Variants in LARP1 observed in about 807,000 individuals in gnomAD.
LARP1 encodes the protein la-related protein 1.
In LARP1, 36 loss-of-function variants were observed where a neutral mutation model predicts 122.7. The ratio of observed to expected loss-of-function variants is 0.29; its 90% confidence interval spans 0.22 to 0.39. The LOEUF is 0.39. Among genes scored for constraint, LARP1 ranks in the 10% least tolerant of loss-of-function variants. The pLI is 1.00. For missense variants in LARP1, 1,040 were observed against 1,403.6 expected (o/e 0.74, Z 4.14); for synonymous variants, 539 against 528.7 (o/e 1.02, Z -0.27).
chr5:154,703,246 C>T (rs577360829), intron 1 of LARP1, among the ~76,000 whole-genome samples: 1 of 151,052 alleles, frequency 6.6e-6, no homozygotes, highest in African/African-American at 2.4e-5. Context: ...TTTCTAAGAA[C>T]AGCTGCGCTG....
chr5:154,708,611 T>A (rs1438496524), upstream of LARP1, among the ~76,000 whole-genome samples: 1 of 152,160 alleles, frequency 6.6e-6, no homozygotes, highest in Non-Finnish European at 1.5e-5. Flanking sequence ...CAAAATGTTT[T>A]TTTTTGTTGT....
At chr5:154,762,167 G>A (rs1002479276) in intron 1 of LARP1, among the ~76,000 whole-genome samples, 2 of 152,070 alleles carry the variant, frequency 1.3e-5, no homozygotes, top group African/African-American at 2.4e-5. Context: ...TGCTCGAACC[G>A]GGGAGGCGGA....
intron 1 of LARP1, 155 bp downstream of exon 1, chr5:154,756,348 C>A: frequency 1.1e-6 from 1 of 947,560 alleles, no homozygotes; most frequent in Non-Finnish European, 1.3e-6. Flanking sequence ...GGTCGCCGCG[C>A]CCTCCCCCCC....
At chr5:154,790,461 C>T in intron 2 of LARP1, 75 bp downstream of exon 2, 1 of 1,423,390 alleles carries the variant, frequency 7.0e-7, no homozygotes, top group Non-Finnish European at 9.8e-7. Context: ...GTGAATGCTC[C>T]TGGACTGCCA....
chr5:154,774,727 A>G (rs1582369869), intron 1 of LARP1, among the ~76,000 whole-genome samples: 1 of 152,182 alleles, frequency 6.6e-6, no homozygotes, highest in Non-Finnish European at 1.5e-5. Flanking sequence ...CATCACTGCC[A>G]TTGCCCCTCT....
intron 14 of LARP1, among the ~76,000 whole-genome samples, chr5:154,805,405 C>T (rs1449236704): frequency 6.6e-6 from 1 of 152,082 alleles, no homozygotes; most frequent in Non-Finnish European, 1.5e-5. Flanking sequence ...TCACATTGAG[C>T]AGGCTGAGAA....
chr5:154,796,037 T>C (rs1488499991), intron 8 of LARP1, among the ~76,000 whole-genome samples: 2 of 115,924 alleles, frequency 1.7e-5, no homozygotes, highest in Non-Finnish European at 1.6e-5. Context: ...TATTTTTATA[T>C]ATATTATATA....
chr5:154,784,189 T>C (rs1170982700), intron 1 of LARP1, among the ~76,000 whole-genome samples: 1 of 152,220 alleles, frequency 6.6e-6, no homozygotes, highest in Admixed American at 6.5e-5. Context: ...ATTAAACAAG[T>C]GTCTGCTGTG....
chr5:154,799,490 G>A (rs1758166609), intron 8 of LARP1, 101 bp from the exon 9 acceptor site: 6 of 1,183,400 alleles, frequency 5.1e-6, no homozygotes, highest in African/African-American at 1.5e-5. Context: ...GGTAGCATTG[G>A]ACTCATACCA....
intron 14 of LARP1, 138 bp downstream of exon 14, chr5:154,804,445 G>A: frequency 1.5e-6 from 1 of 685,592 alleles, no homozygotes; most frequent in Non-Finnish European, 2.5e-6. Context: ...AACCAGTGGT[G>A]TGGAAAGCTC....
At position 154,755,638 on chromosome 5, in the gene LARP1, C is replaced by T. The variant is rs1440528926; in HGVS notation, c.-120C>T. On this transcript the variant is annotated 5_prime_UTR_variant, in exon 1 of 19. Transcript: ENST00000518297. Reference sequence around the variant, plus strand: ...ACCTCGCGTGAACCCCGACCCTTCTCTGCAGGGACTGGGGCCCAGCGCCCC... The same window carrying T: ...ACCTCGCGTGAACCCCGACCCTTCTTTGCAGGGACTGGGGCCCAGCGCCCC... 9.1e-6 allele frequency: 9 copies of T among 987,472 alleles called. No individual in the cohort carries two copies. Among genetic ancestry groups the T allele is most frequent in the Non-Finnish European group, 9.6e-6 (8 of 830,118 alleles). 61.2% of individuals were successfully genotyped at this position (987,472 alleles called of 1,614,324 possible).
intron 8 of LARP1, 135 bp from the exon 9 acceptor site, chr5:154,799,456 T>G: frequency 1.2e-6 from 1 of 826,622 alleles, no homozygotes; most frequent in Non-Finnish European, 2.0e-6. Flanking sequence ...TCGTGGAAGA[T>G]GGTGTCAATT....
At chr5:154,709,598 AT>A (rs60062105), upstream of LARP1, among the ~76,000 whole-genome samples, 1,309 of 81,348 alleles carry the variant, frequency 0.016, 34 homozygotes, top group African/African-American at 0.052. Flanking sequence ...CTCCAGTGAG[AT>A]TTTTTTTTTT....
At chr5:154,749,087 A>AG (rs1365804181) in intron 1 of LARP1, among the ~76,000 whole-genome samples, 1 of 152,186 alleles carries the variant, frequency 6.6e-6, no homozygotes, top group African/African-American at 2.4e-5. Context: ...AAGGTTAGTT[A>AG]GGGTCAGGCT....
intron 1 of LARP1, among the ~76,000 whole-genome samples, chr5:154,778,968 T>C (rs1245926533): frequency 1.3e-5 from 2 of 152,244 alleles, no homozygotes; most frequent in Non-Finnish European, 2.9e-5. Context: ...GAAATTTAGA[T>C]TTAACAGAGT....
intron 1 of LARP1, among the ~76,000 whole-genome samples, chr5:154,768,511 T>G (rs1210793667): frequency 1.3e-5 from 2 of 152,198 alleles, no homozygotes; most frequent in African/African-American, 4.8e-5. Context: ...GAATTCTAGC[T>G]TTAAAAAGAA....
In LARP1 at chr5:154,803,816, C is replaced by A; in HGVS notation, c.2439+71C>A. 6.9e-7 allele frequency: 1 copy of A among 1,456,624 alleles called. No homozygotes were observed. Among genetic ancestry groups the A allele is most frequent in the Non-Finnish European group, 9.6e-7 (1 of 1,044,992 alleles). 90.2% of individuals were successfully genotyped at this position (1,456,624 alleles called of 1,614,324 possible). On this transcript the variant is annotated intron_variant, in intron 13 of 18. Transcript: ENST00000518297. This position sits in a 1 kb window ranked among gnomAD's most constrained non-coding sequence, Gnocchi z 4.4. ...TTGCATTCCAGTGCTTTGCTTCTCT[C>A]CCTTGCCTTGTCTGAGCTAAGGAAG... is the stretch of plus-strand genomic sequence containing the variant.
At chr5:154,806,136 C>G in intron 15 of LARP1, 104 bp downstream of exon 15, 2 of 1,236,394 alleles carry the variant, frequency 1.6e-6, no homozygotes, top group Non-Finnish European at 2.2e-6. Context: ...TCTCTGACTT[C>G]AGAGCAAAAA....
intron 1 of LARP1, among the ~76,000 whole-genome samples, chr5:154,691,276 G>A (rs10043507): frequency 0.66 from 92,667 of 139,376 alleles, 31,313 homozygotes; most frequent in Non-Finnish European, 0.7. Context: ...AAAAAAAAAA[G>A]AAAGAAAGTA....
Sources: allele counts gnomAD v4.1 joint callset (sites outside exome capture counted in the v4.1 genomes callset), GRCh38; gene constraint gnomAD v4.1.1; non-coding constraint Gnocchi (gnomAD v3.1); transcripts MANE v1.5; gene names NCBI Gene and HGNC (gene_info 2026-07-23, HGNC 2026-07-21).